Variants in MGAT4C observed in about 807,000 individuals in gnomAD.
The protein encoded by MGAT4C is alpha-1,3-mannosyl-glycoprotein 4-beta-N-acetylglucosaminyltransferase C.
In MGAT4C, 19 loss-of-function variants were observed where a neutral mutation model predicts 40.1. The ratio of observed to expected loss-of-function variants is 0.47; its 90% CI spans 0.33 to 0.70. The LOEUF (loss-of-function observed/expected upper bound fraction) is 0.70, where lower values mean the gene tolerates loss of function less well. Ranked by LOEUF, MGAT4C falls within the 30% of genes least tolerant of loss-of-function variation. The probability of loss-of-function intolerance (pLI) is 0.02; values close to 1 mark genes in which losing one functional copy is unlikely to be tolerated. For synonymous variants in MGAT4C, 181 were observed against 187.1 expected (o/e 0.97, Z 0.27); for missense variants, 491 against 563.2 (o/e 0.87, Z 1.30).
intron 2 of MGAT4C, among the ~76,000 whole-genome samples, chr12:86,549,453 T>C (rs907948857): frequency 7.2e-5 from 11 of 152,176 alleles, no homozygotes; most frequent in Non-Finnish European, 5.9e-5. Flanking sequence ...TGACTTACAG[T>C]TGGAAATATA....
chr12:86,641,067 A>G (rs1963367432), intron 2 of MGAT4C, among the ~76,000 whole-genome samples: 1 of 151,788 alleles, frequency 6.6e-6, no homozygotes, highest in Non-Finnish European at 1.5e-5. Context: ...TGCGGAAAAA[A>G]ATGTATGTTT....
At chr12:86,329,701 T>A (rs1566293568) in intron 4 of MGAT4C, among the ~76,000 whole-genome samples, 1 of 152,192 alleles carries the variant, frequency 6.6e-6, no homozygotes, top group Admixed American at 6.5e-5. Flanking sequence ...TATTAAGTAA[T>A]ACTTAATACT....
chr12:86,058,727 T>C (rs1285007354), intron 1 of MGAT4C, among the ~76,000 whole-genome samples: 1 of 152,162 alleles, frequency 6.6e-6, no homozygotes, highest in Non-Finnish European at 1.5e-5. Flanking sequence ...GTTGACATGG[T>C]GTTTCTATGA....
chr12:86,004,403 A>G (rs989351935), intron 2 of MGAT4C, among the ~76,000 whole-genome samples: 3 of 152,068 alleles, frequency 2.0e-5, no homozygotes, highest in Admixed American at 2.0e-4. Context: ...TTATCTTGTC[A>G]TTTGCATCAT....
intron 1 of MGAT4C, among the ~76,000 whole-genome samples, chr12:86,826,595 T>C (rs1280255945): frequency 1.3e-5 from 2 of 151,476 alleles, no homozygotes; most frequent in South Asian, 2.1e-4. Flanking sequence ...AAACAGTTCA[T>C]TGAATTTTTT....
At chr12:86,740,121 T>G (rs1951046525) in intron 1 of MGAT4C, among the ~76,000 whole-genome samples, 1 of 151,170 alleles carries the variant, frequency 6.6e-6, no homozygotes, top group Non-Finnish European at 1.5e-5. Context: ...GAACCCTTCA[T>G]TATTTCAATC....
rs182165141 is a variant in MGAT4C at position 86,312,420 on chromosome 12, G to A, written c.-57+21645C>T. On this transcript the variant is annotated intron_variant, in intron 4 of 7. Transcript: ENST00000548651. Reference sequence around the variant, plus strand: ...GCTGCTTGCTCACTTTAGTTTTCTCGCACATATAAGGCAGAGCTGTGATGT... The same window carrying A: ...GCTGCTTGCTCACTTTAGTTTTCTCACACATATAAGGCAGAGCTGTGATGT... Among the ~76,000 whole-genome samples the A allele has an allele frequency of 3.0e-3, 453 of 152,214 alleles. 10 individuals are homozygous for A. Among genetic ancestry groups the A allele is most frequent in the Admixed American group, 0.027 (416 of 15,286 alleles).
chr12:86,342,354 C>A (rs550740933), intron 3 of MGAT4C, among the ~76,000 whole-genome samples: 27 of 152,246 alleles, frequency 1.8e-4, no homozygotes, highest in Non-Finnish European at 3.4e-4. Context: ...ACTCCAGCCA[C>A]CCCTGAAGGA....
rs1187794694 is a variant in MGAT4C, at chr12:85,966,391, T to C, written c.*12898A>G. On this transcript the variant is annotated 3_prime_UTR_variant, in exon 5 of 5. Coordinates refer to ENST00000611864, the MANE Select transcript of MGAT4C (RefSeq NM_001351288.2). ...AACTTTGGAGGTTTTATAAAAATTA[T>C]GAGTATTTAATCAAAGTTGTCTCTT... 1 of 152,174 alleles carries C rather than the reference T, an allele frequency of 6.6e-6. No homozygotes were observed. Among genetic ancestry groups the C allele is most frequent in the Non-Finnish European group, 1.5e-5 (1 of 68,030 alleles). The allele number at this position is 152,174 out of a possible 1,614,324, so 9.4% of individuals were successfully genotyped here.
At chr12:86,210,551 G>C (rs1208286755) in intron 1 of MGAT4C, among the ~76,000 whole-genome samples, 1 of 152,146 alleles carries the variant, frequency 6.6e-6, no homozygotes, top group Non-Finnish European at 1.5e-5. Flanking sequence ...TTGAGTTCTA[G>C]GTCAATGGCT....
intron 3 of MGAT4C, among the ~76,000 whole-genome samples, chr12:86,376,096 GA>G (rs1013395606): frequency 6.6e-6 from 1 of 151,346 alleles, no homozygotes; most frequent in Non-Finnish European, 1.5e-5. Flanking sequence ...TAGTTAAATT[GA>G]AAAAATGAGG....
At chr12:86,603,568 CTA>C (rs1961902126) in intron 2 of MGAT4C, among the ~76,000 whole-genome samples, 1 of 109,158 alleles carries the variant, frequency 9.2e-6, no homozygotes, top group South Asian at 2.6e-4. Flanking sequence ...AGTCTATAGA[CTA>C]TAGATAATAT....
At chr12:86,258,891 C>G (rs1952597190), upstream of MGAT4C, among the ~76,000 whole-genome samples, 1 of 151,908 alleles carries the variant, frequency 6.6e-6, no homozygotes. Flanking sequence ...ATACTTCATA[C>G]TAACGTTGGA....
chr12:86,626,949 G>A (rs999440277), intron 2 of MGAT4C, among the ~76,000 whole-genome samples: 10 of 152,184 alleles, frequency 6.6e-5, no homozygotes, highest in African/African-American at 2.4e-4. Context: ...GGGGTTGGGG[G>A]ATTTCCCTTT....
intron 1 of MGAT4C, among the ~76,000 whole-genome samples, chr12:86,139,305 G>C (rs1882496457): frequency 6.6e-6 from 1 of 151,896 alleles, no homozygotes; most frequent in African/African-American, 2.4e-5. Flanking sequence ...CCATTTTTGT[G>C]ACTTTTAGTT....
chr12:86,107,695 T>C lies in MGAT4C; in HGVS notation c.-56-57972A>G, dbSNP rs10506929. ...TTCTGAATTTATGTAAAATTGTTCTTAGTAAATGGATTACCTTTTCTGGTT... is the reference window on the plus strand; with the variant it reads ...TTCTGAATTTATGTAAAATTGTTCTCAGTAAATGGATTACCTTTTCTGGTT... On this transcript the variant is annotated intron_variant, in intron 1 of 4. Transcript: ENST00000611864. Among the ~76,000 whole-genome samples the C allele has an allele frequency of 0.022, 3,379 of 152,280 alleles. 266 individuals carry two copies. The East Asian group carries it at 0.28, about 13-fold the overall frequency.
At chr12:86,267,382 C>T (rs577047192) in intron 4 of MGAT4C, among the ~76,000 whole-genome samples, 4 of 152,162 alleles carry the variant, frequency 2.6e-5, no homozygotes, top group Admixed American at 2.6e-4. Context: ...GGTAGATGTT[C>T]ACCATCATGA....
chr12:86,807,275 C>T, intron 1 of MGAT4C, among the ~76,000 whole-genome samples: 1 of 151,940 alleles, frequency 6.6e-6, no homozygotes, highest in East Asian at 1.9e-4. Flanking sequence ...CTCTCTCTTC[C>T]CCCACTCCAC....
intron 2 of MGAT4C, among the ~76,000 whole-genome samples, chr12:86,459,605 G>A (rs541597423): frequency 6.6e-6 from 1 of 151,860 alleles, no homozygotes; most frequent in South Asian, 2.1e-4. Flanking sequence ...TTTCAGATGA[G>A]AATTATAAAT....
Sources: allele counts gnomAD v4.1 joint callset (sites outside exome capture counted in the v4.1 genomes callset), GRCh38; gene constraint gnomAD v4.1.1; transcripts MANE v1.5; gene names NCBI Gene and HGNC (gene_info 2026-07-23, HGNC 2026-07-21).